Variants in ST3GAL3 observed in about 807,000 individuals in gnomAD.
The protein encoded by ST3GAL3 is ST3 beta-galactoside alpha-2,3-sialyltransferase 3, also known as CMP-N-acetylneuraminate-beta-1,4-galactoside alpha-2,3-sialyltransferase.
ST3GAL3 carries 21 observed loss-of-function variants against 50.1 expected under a neutral mutation model. The ratio of observed to expected loss-of-function variants is 0.42; its 90% CI spans 0.30 to 0.60. The LOEUF is 0.60. ST3GAL3 is among the 20% of genes least tolerant of loss of function. ST3GAL3 has a pLI of 0.19. For missense variants in ST3GAL3, 353 were observed against 489.4 expected, an observed-to-expected ratio of 0.72 and a Z score of 2.63; for synonymous variants, 183 against 190.0, an observed-to-expected ratio of 0.96 and a Z score of 0.30.
At chr1:43,848,188 A>T (rs1209627706) in intron 5 of ST3GAL3, among the ~76,000 whole-genome samples, 1 of 146,992 alleles carries the variant, frequency 6.8e-6, no homozygotes, top group East Asian at 2.0e-4. Flanking sequence ...TCTTACCTAT[A>T]TTCCTTTGTA....
chr1:43,717,114 G>A (rs1280646068), intron 1 of ST3GAL3, among the ~76,000 whole-genome samples: 3 of 152,110 alleles, frequency 2.0e-5, no homozygotes, highest in Admixed American at 6.6e-5. Context: ...TTCAGGCAAC[G>A]CCTCTGAAGC....
intron 1 of ST3GAL3, chr1:43,716,454 A>C (rs888566153): frequency 6.6e-6 from 1 of 152,202 alleles, no homozygotes; most frequent in Non-Finnish European, 1.5e-5. Flanking sequence ...TCCTATTTAA[A>C]AGATCCTATT....
intron 2 of ST3GAL3, among the ~76,000 whole-genome samples, chr1:43,752,858 T>C (rs1490426601): frequency 6.6e-6 from 1 of 152,226 alleles, no homozygotes; most frequent in Non-Finnish European, 1.5e-5. Flanking sequence ...AATTTCACTT[T>C]TCAGTAGAGA....
At chr1:43,863,271 C>T (rs1250993388) in intron 5 of ST3GAL3, among the ~76,000 whole-genome samples, 6 of 152,166 alleles carry the variant, frequency 3.9e-5, no homozygotes, top group African/African-American at 1.4e-4. Context: ...GGCCACAGCA[C>T]ACACCATTGC....
intron 5 of ST3GAL3, among the ~76,000 whole-genome samples, chr1:43,857,816 A>AGG (rs2068887169): frequency 6.6e-6 from 1 of 152,046 alleles, no homozygotes; most frequent in Admixed American, 6.6e-5. Flanking sequence ...GGGTTTCACC[A>AGG]TGATGGCCAG....
intron 5 of ST3GAL3, among the ~76,000 whole-genome samples, chr1:43,867,966 G>A (rs779411463): frequency 2.0e-5 from 3 of 152,200 alleles, no homozygotes; most frequent in Non-Finnish European, 2.9e-5. Context: ...CAACATACAT[G>A]TATAATAAAG....
chr1:43,825,333 C>T (rs919200687), intron 4 of ST3GAL3, among the ~76,000 whole-genome samples: 28 of 152,038 alleles, frequency 1.8e-4, no homozygotes, highest in African/African-American at 5.6e-4. Flanking sequence ...GTAATTTTTT[C>T]GAACTTTCAT....
At chr1:43,756,958 G>A (rs1341435969) in intron 2 of ST3GAL3, among the ~76,000 whole-genome samples, 1 of 152,116 alleles carries the variant, frequency 6.6e-6, no homozygotes, top group East Asian at 1.9e-4. Flanking sequence ...AGGCTGAAGT[G>A]CAGTGGCGTG....
chr1:43,863,887 C>T (rs1337780924), intron 5 of ST3GAL3, among the ~76,000 whole-genome samples: 1 of 152,228 alleles, frequency 6.6e-6, no homozygotes, highest in Non-Finnish European at 1.5e-5. Flanking sequence ...CACTTCCAAG[C>T]TCCAGAGACC....
intron 1 of ST3GAL3, among the ~76,000 whole-genome samples, chr1:43,730,308 T>C (rs775673015): frequency 3.3e-5 from 5 of 152,196 alleles, no homozygotes; most frequent in Non-Finnish European, 7.4e-5. Flanking sequence ...GTGGTCACTG[T>C]ATGGTTGTGA....
At chr1:43,902,184 CAT>C (rs1023714574) in intron 9 of ST3GAL3, among the ~76,000 whole-genome samples, 11 of 152,212 alleles carry the variant, frequency 7.2e-5, no homozygotes, top group African/African-American at 2.4e-4. Flanking sequence ...TGTTTCCAGT[CAT>C]ACAGCCTCTG....
Position 43,930,347 on chromosome 1 carries a change from G to A in ST3GAL3, c.*126G>A. Reference sequence around the variant, plus strand: ...GGGCCCCAGGGGCAGCAAGGCCTTGGTGGAGCAGCCAGAGCTGTGCCTGCT... The same window carrying A: ...GGGCCCCAGGGGCAGCAAGGCCTTGATGGAGCAGCCAGAGCTGTGCCTGCT... On this transcript the variant is annotated 3_prime_UTR_variant, in exon 12 of 12. Transcript: ENST00000347631. 1.1e-6 allele frequency: 1 copy of A among 898,820 alleles called. No homozygotes were observed. The highest frequency in any genetic ancestry group is 2.5e-5 in the East Asian group (1 of 40,740). The allele number at this position is 898,820 out of a possible 1,614,324, so 55.7% of individuals were successfully genotyped here.
At chr1:43,781,054 G>C (rs557077573) in intron 2 of ST3GAL3, among the ~76,000 whole-genome samples, 1 of 152,226 alleles carries the variant, frequency 6.6e-6, no homozygotes, top group South Asian at 2.1e-4. Context: ...TGTATTTCAC[G>C]TTCAGTTCAA....
At chr1:43,912,734 G>A (rs545280228) in intron 9 of ST3GAL3, 2 of 152,398 alleles carry the variant, frequency 1.3e-5, no homozygotes, top group South Asian at 2.1e-4. Flanking sequence ...GGTGGGGAAA[G>A]TGCTTTCTTC....
chr1:43,913,850 G>A (rs1021520384), intron 9 of ST3GAL3: 1 of 152,252 alleles, frequency 6.6e-6, no homozygotes, highest in African/African-American at 2.4e-5. Context: ...ACCGAGGGCA[G>A]TAAGACCTCA....
chr1:43,764,381 T>C (rs1205739204), intron 2 of ST3GAL3, among the ~76,000 whole-genome samples: 1 of 152,050 alleles, frequency 6.6e-6, no homozygotes, highest in African/African-American at 2.4e-5. Context: ...GAAAATATAG[T>C]ATTTGGGCTA....
chr1:43,904,609 C>A (rs1382958135), intron 9 of ST3GAL3, among the ~76,000 whole-genome samples: 1 of 151,908 alleles, frequency 6.6e-6, no homozygotes, highest in Non-Finnish European at 1.5e-5. Flanking sequence ...AGCTCCTCTT[C>A]CTCACTGTCT....
intron 11 of ST3GAL3, among the ~76,000 whole-genome samples, chr1:43,929,742 G>A (rs916823782): frequency 1.3e-5 from 2 of 152,190 alleles, no homozygotes; most frequent in African/African-American, 4.8e-5. Context: ...GCCACCCCTT[G>A]CTGTTGGACT....
chr1:43,856,870 C>A (rs2068492364), intron 5 of ST3GAL3, among the ~76,000 whole-genome samples: 1 of 152,214 alleles, frequency 6.6e-6, no homozygotes, highest in Non-Finnish European at 1.5e-5. Flanking sequence ...ATGGTATACC[C>A]CGTCTCTTTC....
Sources: allele counts gnomAD v4.1 joint callset (sites outside exome capture counted in the v4.1 genomes callset), GRCh38; gene constraint gnomAD v4.1.1; transcripts MANE v1.5; gene names NCBI Gene and HGNC (gene_info 2026-07-23, HGNC 2026-07-21).